Variants in CABP4 observed in about 807,000 individuals in gnomAD.
CABP4 encodes calcium binding protein 4, also known as calcium-binding protein 4.
A neutral mutation model predicts 30.7 loss-of-function variants in CABP4; 30 were observed. The observed-to-expected ratio is 0.98, with a 90% CI of 0.73 to 1.33. The LOEUF is 1.33. CABP4 is among the 40% of genes most tolerant of loss of function. CABP4 has a pLI of 0.00. For synonymous variants in CABP4, 161 were observed against 159.2 expected, an observed-to-expected ratio of 1.01 and a Z score of -0.08; for missense variants, 424 against 395.5, an observed-to-expected ratio of 1.07 and a Z score of -0.61.
At chr11:67,455,894 C>A in intron 1 of CABP4, 105 bp downstream of exon 1, 1 of 1,426,446 alleles carries the variant, frequency 7.0e-7, no homozygotes, top group Non-Finnish European at 9.4e-7. Flanking sequence ...GCCTCTTCTG[C>A]CCCAGACTGA....
chr11:67,454,304 G>A (rs1022861152), upstream of CABP4, among the ~76,000 whole-genome samples: 1 of 152,166 alleles, frequency 6.6e-6, no homozygotes, highest in Non-Finnish European at 1.5e-5. Flanking sequence ...GGGAGGGAAC[G>A]GATGCCCTGA....
Position 67,460,063 on chromosome 11 carries a change from C to T in CABP4, c.*1404C>T, listed in dbSNP as rs1320502483. 6.6e-6 allele frequency: 1 copy of T among 152,202 alleles called. No individual in the cohort carries two copies. The highest frequency in any genetic ancestry group is 1.9e-4 in the East Asian group (1 of 5,206). 9.4% of individuals were successfully genotyped at this position (152,202 alleles called of 1,614,324 possible). Reference sequence around the variant, plus strand: ...ATCTCAGTGTACATAATACAGCCGCCTAAGAGACCACAAGATACATGCAAA... The same window carrying T: ...ATCTCAGTGTACATAATACAGCCGCTTAAGAGACCACAAGATACATGCAAA... On this transcript the variant is annotated 3_prime_UTR_variant, in exon 6 of 6. Coordinates refer to ENST00000325656, the MANE Select transcript of CABP4 (RefSeq NM_145200.5).
chr11:67,452,713 G>A (rs2135162279), upstream of CABP4: 1 of 1,567,248 alleles, frequency 6.4e-7, no homozygotes, highest in Non-Finnish European at 8.7e-7. Context: ...CAGCTTCCAT[G>A]GTAGTGTCCA....
At position 67,458,689 on chromosome 11, in the gene CABP4, G is replaced by T. The variant is rs771250959; in HGVS notation, c.*30G>T. 6 of 1,613,464 alleles carry T rather than the reference G, an allele frequency of 3.7e-6. No individual in the cohort carries two copies. Among genetic ancestry groups the T allele is most frequent in the Non-Finnish European group, 5.1e-6 (6 of 1,179,990 alleles). The stretch of plus-strand genomic sequence containing the variant: ...CCAGGAGGGAATATCTGTTGCCCCT[G>T]CGGCCCCAGACACCAGCCAGACCCA... On this transcript the variant is annotated 3_prime_UTR_variant, in exon 6 of 6. Coordinates refer to ENST00000325656, the MANE Select transcript of CABP4 (RefSeq NM_145200.5).
upstream of CABP4, chr11:67,453,008 T>G: frequency 4.0e-6 from 1 of 253,046 alleles, no homozygotes; most frequent in Non-Finnish European, 7.0e-6. Context: ...CAGACTTTTC[T>G]TTTCTTTTCT....
chr11:67,460,818 T>C lies in CABP4; in HGVS notation c.*2159T>C, dbSNP rs1864988503. Among the ~76,000 whole-genome samples the C allele has an allele frequency of 6.7e-6, 1 of 149,872 alleles. No individual in the cohort carries two copies. The highest frequency in any genetic ancestry group is 1.5e-5 in the Non-Finnish European group (1 of 67,616). On this transcript the variant is annotated 3_prime_UTR_variant, in exon 6 of 6. Coordinates refer to ENST00000325656, the MANE Select transcript of CABP4 (RefSeq NM_145200.5). ...TAACACAGTGAAACCCCATCTCTACTAAAAATACAAAAAAAAATTAGCTGG... is the reference window on the plus strand; with the variant it reads ...TAACACAGTGAAACCCCATCTCTACCAAAAATACAAAAAAAAATTAGCTGG...
Position 67,455,724 on chromosome 11 carries a change from C to G in CABP4, c.301C>G (p.Pro101Ala). The G allele has an allele frequency of 6.2e-7, 1 of 1,607,622 alleles. No homozygotes were observed. Among genetic ancestry groups the G allele is most frequent in the Non-Finnish European group, 8.5e-7 (1 of 1,178,136 alleles). ...ASSRQSHRHR[P>A]DSLHDAAQRT... The stretch of plus-strand genomic sequence containing the variant: ...TTCTCGCCAGTCCCACCGACATCGT[C>G]CTGACTCCCTGCACGACGCTGCTCA... Residue 101 changes from proline (P) to alanine (A), a missense_variant, in exon 1 of 6, where the codon CCT becomes GCT. Pro to Ala is a conservative substitution (Grantham distance 27). Transcript: ENST00000325656.
upstream of CABP4, among the ~76,000 whole-genome samples, chr11:67,455,134 A>C (rs1790763): frequency 0.12 from 17,569 of 152,180 alleles, 3,333 homozygotes; most frequent in African/African-American, 0.4. Flanking sequence ...TCCCCCAGCT[A>C]ATAAGTAGCA....
chr11:67,455,029 C>T (rs1295514275), upstream of CABP4, among the ~76,000 whole-genome samples: 1 of 152,224 alleles, frequency 6.6e-6, no homozygotes, highest in Non-Finnish European at 1.5e-5. Flanking sequence ...AAGGCCTCTG[C>T]CCATGTCACA....
At chr11:67,456,578 A>C in intron 3 of CABP4, 136 bp downstream of exon 3, 1 of 1,137,782 alleles carries the variant, frequency 8.8e-7, no homozygotes, top group Non-Finnish European at 1.3e-6. Context: ...AGGCAGGGGC[A>C]CCGGGTTCAA....
intron 3 of CABP4, among the ~76,000 whole-genome samples, chr11:67,457,055 G>A (rs1355195340): frequency 5.3e-5 from 8 of 152,216 alleles, no homozygotes; most frequent in African/African-American, 1.9e-4. Context: ...CAATTGAGCT[G>A]GACATTTGGT....
Position 67,456,453 on chromosome 11 carries a change from G to A in CABP4, c.541+11G>A, listed in dbSNP as rs1213416764. On this transcript the variant is annotated intron_variant, in intron 3 of 5. Coordinates refer to ENST00000325656, the MANE Select transcript of CABP4 (RefSeq NM_145200.5). ...ACATCAAGATGCGCAGTCAGTCAGGGAGCCCGCCCGCCCGGGCAGCCTGCG... is the reference window on the plus strand; with the variant it reads ...ACATCAAGATGCGCAGTCAGTCAGGAAGCCCGCCCGCCCGGGCAGCCTGCG... 2 of 1,607,750 alleles carry A rather than the reference G, an allele frequency of 1.2e-6. No individual in the cohort carries two copies. The highest frequency in any genetic ancestry group is 1.7e-6 in the Non-Finnish European group (2 of 1,179,906).
upstream of CABP4, among the ~76,000 whole-genome samples, chr11:67,453,947 T>C (rs1208395816): frequency 6.6e-6 from 1 of 152,132 alleles, no homozygotes; most frequent in African/African-American, 2.4e-5. Flanking sequence ...GTGTCACTCA[T>C]GGGCTCAGGA....
At chr11:67,454,532 G>A (rs753303325), upstream of CABP4, among the ~76,000 whole-genome samples, 10 of 152,192 alleles carry the variant, frequency 6.6e-5, no homozygotes, top group Admixed American at 1.3e-4. Context: ...GGAGCAGGGC[G>A]TGCCTGCCTG....
upstream of CABP4, chr11:67,455,222 CA>C (rs1864718842): frequency 1.6e-6 from 1 of 613,950 alleles, no homozygotes; most frequent in African/African-American, 1.9e-5. Context: ...TCTCTGGACC[CA>C]TCTGGCTCTG....
At chr11:67,452,563 G>A (rs372851784), upstream of CABP4, 96 of 1,607,916 alleles carry the variant, frequency 6.0e-5, no homozygotes, top group Non-Finnish European at 7.8e-5. Context: ...CCTGGGAGCC[G>A]GCCAGCCACG....
Position 67,460,054 on chromosome 11 carries a change from T to C in CABP4, c.*1395T>C, listed in dbSNP as rs1864961323. 1 of 152,120 alleles carries C rather than the reference T, an allele frequency of 6.6e-6. No homozygotes were observed. The highest frequency in any genetic ancestry group is 2.1e-4 in the South Asian group (1 of 4,826). The allele number at this position is 152,120 out of a possible 1,614,324, so 9.4% of individuals were successfully genotyped here. A position where few individuals can be genotyped will look rare whatever the true frequency, so the allele number is the denominator to read the frequency against. Reference sequence around the variant, plus strand: ...AGGACTGGCATCTCAGTGTACATAATACAGCCGCCTAAGAGACCACAAGAT... The same window carrying C: ...AGGACTGGCATCTCAGTGTACATAACACAGCCGCCTAAGAGACCACAAGAT... On this transcript the variant is annotated 3_prime_UTR_variant, in exon 6 of 6. Transcript: ENST00000325656.
chr11:67,460,319 G>T lies in CABP4; in HGVS notation c.*1660G>T, dbSNP rs1864969805. The T allele has an allele frequency of 6.6e-6, 1 of 152,104 alleles. No homozygotes were observed. Among genetic ancestry groups the T allele is most frequent in the South Asian group, 2.1e-4 (1 of 4,822 alleles). The allele number at this position is 152,104 out of a possible 1,614,324, so 9.4% of individuals were successfully genotyped here. A position where few individuals can be genotyped will look rare whatever the true frequency, so the allele number is the denominator to read the frequency against. On this transcript the variant is annotated 3_prime_UTR_variant, in exon 6 of 6. Coordinates refer to ENST00000325656, the MANE Select transcript of CABP4 (RefSeq NM_145200.5). Reference sequence around the variant, plus strand: ...TACTAAAAATACAAAAATTAGCCAGGCGTGGTGGTGCTTGCATCTGTGGTC... The same window carrying T: ...TACTAAAAATACAAAAATTAGCCAGTCGTGGTGGTGCTTGCATCTGTGGTC...
Position 67,455,387 on chromosome 11 carries a change from G to C in CABP4, c.-37G>C. The C allele has an allele frequency of 1.3e-6, 2 of 1,582,016 alleles. No individual in the cohort carries two copies. Among genetic ancestry groups the C allele is most frequent in the South Asian group, 2.3e-5 (2 of 87,084 alleles). ...GGGTCCTGAAAGCCAAGGGTGCCCA[G>C]GGGTGTGGTGTCTCTGAGCCCTGTT... On this transcript the variant is annotated 5_prime_UTR_variant, in exon 1 of 6. Transcript: ENST00000325656.
Sources: allele counts gnomAD v4.1 joint callset (sites outside exome capture counted in the v4.1 genomes callset), GRCh38; gene constraint gnomAD v4.1.1; transcripts MANE v1.5; gene names NCBI Gene and HGNC (gene_info 2026-07-23, HGNC 2026-07-21).